KHDRBS1: variants seen among roughly 807,000 people sequenced by gnomAD.
KHDRBS1 encodes KH RNA binding domain containing, signal transduction associated 1.
Under a neutral mutation model 48.4 loss-of-function variants are expected in KHDRBS1, and 7 were observed. The observed-to-expected ratio is 0.14, with a 90% CI of 0.08 to 0.27. KHDRBS1 has a LOEUF of 0.27. Among genes scored for constraint, KHDRBS1 ranks in the 10% least tolerant of loss-of-function variants. KHDRBS1 has a pLI of 1.00. For missense variants in KHDRBS1, 458 were observed against 601.2 expected (o/e 0.76, Z 2.49); for synonymous variants, 241 against 235.8 (o/e 1.02, Z -0.20).
chr1:32,020,686 G>C (rs1446848613), intron 1 of KHDRBS1, among the ~76,000 whole-genome samples: 1 of 151,344 alleles, frequency 6.6e-6, no homozygotes, highest in East Asian at 1.9e-4. Context: ...ATTAAGCTGA[G>C]TGAAGAAAGC....
chr1:32,030,507 G>C lies in KHDRBS1; in HGVS notation c.507+85G>C, dbSNP rs961302768. 3.4e-6 allele frequency: 4 copies of C among 1,179,064 alleles called. No homozygotes were observed. In the African/African-American group the frequency reaches 6.3e-5, roughly 19 times the overall value. The allele number at this position is 1,179,064 out of a possible 1,614,324, so 73.0% of individuals were successfully genotyped here. On this transcript the variant is annotated intron_variant, in intron 2 of 8. Transcript: ENST00000327300. ...GCTATAATAAAGACTCCTGGGGATT[G>C]TGATGCTTTAGAAACTTAAGCCTGT...
chr1:32,045,902 G>A (rs1639350744), downstream of KHDRBS1, among the ~76,000 whole-genome samples: 1 of 152,152 alleles, frequency 6.6e-6, no homozygotes, highest in Non-Finnish European at 1.5e-5. Context: ...GTTTTAGAGA[G>A]GGAATATCAG....
At chr1:32,046,529 C>G (rs1370370946), downstream of KHDRBS1, among the ~76,000 whole-genome samples, 2 of 152,116 alleles carry the variant, frequency 1.3e-5, no homozygotes, top group East Asian at 3.8e-4. Context: ...AAGGATATTT[C>G]TTATACTTAG....
At chr1:32,050,115 G>A (rs1281350848) in intron 10 of KHDRBS1, among the ~76,000 whole-genome samples, 1 of 152,090 alleles carries the variant, frequency 6.6e-6, no homozygotes, top group Non-Finnish European at 1.5e-5. Context: ...ACCTCACTGT[G>A]GTTTTGATTT....
chr1:32,034,536 G>A (rs1331923381), intron 4 of KHDRBS1, among the ~76,000 whole-genome samples: 1 of 151,910 alleles, frequency 6.6e-6, no homozygotes, highest in Non-Finnish European at 1.5e-5. Flanking sequence ...CTCCAGCCTG[G>A]GCAACAAGAG....
Position 32,042,552 on chromosome 1 carries a change from G to C in KHDRBS1, c.1260G>C (p.Arg420Ser), listed in dbSNP as rs778673209. The change falls in exon 9 of 9, where the codon AGG becomes AGC. Residue 420 changes from arginine (R) to serine (S), a missense_variant. Arg to Ser is a moderately radical substitution (Grantham distance 110). Transcript: ENST00000327300. ...AYGQDDWNGT[R>S]PSLKAPPARP... ...GCCAGGACGACTGGAATGGGACCAGGCCGTCGCTGAAGGCCCCTCCTGCTA... is the reference window on the plus strand; with the variant it reads ...GCCAGGACGACTGGAATGGGACCAGCCCGTCGCTGAAGGCCCCTCCTGCTA... 1 of 1,613,650 alleles carries C rather than the reference G, an allele frequency of 6.2e-7. No homozygotes were observed.
At chr1:32,018,157 G>A (rs1023104477) in intron 1 of KHDRBS1, among the ~76,000 whole-genome samples, 1 of 152,092 alleles carries the variant, frequency 6.6e-6, no homozygotes, top group Non-Finnish European at 1.5e-5. Flanking sequence ...AGCAAAACCT[G>A]CTTTTAAAAC....
At chr1:32,017,185 G>A (rs942310397) in intron 1 of KHDRBS1, among the ~76,000 whole-genome samples, 4 of 151,876 alleles carry the variant, frequency 2.6e-5, no homozygotes, top group Non-Finnish European at 4.4e-5. Flanking sequence ...TTGAAACCGG[G>A]AGTTGGAGGT....
At chr1:32,014,441 T>G (rs1267149464) in intron 1 of KHDRBS1, 64 bp downstream of exon 1, 2 of 1,263,736 alleles carry the variant, frequency 1.6e-6, no homozygotes, top group Non-Finnish European at 2.0e-6. Context: ...GGCCCTGGCT[T>G]TGTTCCTCTC....
intron 10 of KHDRBS1, among the ~76,000 whole-genome samples, chr1:32,056,354 T>TA (rs1639479677): frequency 1.3e-5 from 2 of 152,158 alleles, no homozygotes; most frequent in South Asian, 4.1e-4. Context: ...TGTTTCTAGA[T>TA]AGAGTGTGAG....
Position 32,056,782 on chromosome 1 carries a change from C to G in KHDRBS1, n.1302-3381C>G, listed in dbSNP as rs146246573. 2.1e-3 allele frequency among the ~76,000 whole-genome samples: 326 copies of G among 152,320 alleles called. 2 individuals carry two copies. Among genetic ancestry groups the G allele is most frequent in the African/African-American group, 7.4e-3 (309 of 41,570 alleles). ...TCTTTCTAAGCTTCTCTCTAGAAATCAGTACAAATGTCTCCTTTCATTATT... is the reference window on the plus strand; with the variant it reads ...TCTTTCTAAGCTTCTCTCTAGAAATGAGTACAAATGTCTCCTTTCATTATT... On this transcript the variant is annotated intron_variant and non_coding_transcript_variant, in intron 10 of 10. Coordinates refer to the KHDRBS1 transcript ENST00000484270.
chr1:32,023,285 C>G (rs1220853687), intron 1 of KHDRBS1, among the ~76,000 whole-genome samples: 1 of 152,174 alleles, frequency 6.6e-6, no homozygotes, highest in Non-Finnish European at 1.5e-5. Context: ...ACTGAATTTA[C>G]TTTCTTTGGT....
chr1:32,025,966 A>G (rs543600428), intron 1 of KHDRBS1, among the ~76,000 whole-genome samples: 1 of 148,948 alleles, frequency 6.7e-6, no homozygotes, highest in East Asian at 1.9e-4. Context: ...TTTGGTAGAG[A>G]CAGGGTCTCG....
At chr1:32,046,431 T>G (rs1639359036), downstream of KHDRBS1, among the ~76,000 whole-genome samples, 1 of 152,188 alleles carries the variant, frequency 6.6e-6, no homozygotes, top group Non-Finnish European at 1.5e-5. Flanking sequence ...GTCAGGCTGG[T>G]CTCGAACTCC....
chr1:32,050,499 T>TTTTGTTTG (rs545581818), intron 10 of KHDRBS1, among the ~76,000 whole-genome samples: 3 of 151,980 alleles, frequency 2.0e-5, no homozygotes, highest in African/African-American at 4.8e-5. Context: ...TTTTAGTTCT[T>TTTTGTTTG]TTTGTTTGTT....
At chr1:32,018,334 G>A (rs1403102130) in intron 1 of KHDRBS1, among the ~76,000 whole-genome samples, 2 of 152,138 alleles carry the variant, frequency 1.3e-5, no homozygotes, top group Non-Finnish European at 2.9e-5. Context: ...GGTGGTGGGC[G>A]CCTGTAATCC....
At chr1:32,037,129 A>G in intron 5 of KHDRBS1, 86 bp downstream of exon 5, 1 of 1,432,150 alleles carries the variant, frequency 7.0e-7, no homozygotes, top group Non-Finnish European at 9.6e-7. Flanking sequence ...TGTCTAGCTT[A>G]GGAAGGGTCT....
In KHDRBS1 at chr1:32,023,204, C is replaced by CA. The variant is rs796877570; in HGVS notation, c.383-7086dup. ...TATAGTCTGGTTGGGATAAAATCTA[C>CA]AAAAAAAACAAAAGTGGGGGGTGGG... is the stretch of plus-strand genomic sequence containing the variant. On this transcript the variant is annotated intron_variant, in intron 1 of 8. Coordinates refer to ENST00000327300, the MANE Select transcript of KHDRBS1 (RefSeq NM_006559.3). Among the ~76,000 whole-genome samples the CA allele has an allele frequency of 1.8e-3, 270 of 150,542 alleles. 1 individual carries two copies. Among genetic ancestry groups the CA allele is most frequent in the African/African-American group, 5.9e-3 (242 of 40,992 alleles).
downstream of KHDRBS1, among the ~76,000 whole-genome samples, chr1:32,045,046 A>G (rs1639341296): frequency 6.6e-6 from 1 of 152,206 alleles, no homozygotes; most frequent in African/African-American, 2.4e-5. Context: ...ACCTGGGCAC[A>G]AAGTCTGACA....
Sources: allele counts gnomAD v4.1 joint callset (sites outside exome capture counted in the v4.1 genomes callset), GRCh38; gene constraint gnomAD v4.1.1; transcripts MANE v1.5; gene names NCBI Gene and HGNC (gene_info 2026-07-23, HGNC 2026-07-21).